Variants in NLRP11 observed in about 807,000 individuals in gnomAD.
NLRP11 encodes NACHT, LRR and PYD domains-containing protein 11.
In NLRP11, 53 loss-of-function variants were observed where a neutral mutation model predicts 79.3. The ratio of observed to expected loss-of-function variants is 0.67; its 90% confidence interval spans 0.54 to 0.84. The LOEUF (loss-of-function observed/expected upper bound fraction) is 0.84. Ranked by LOEUF, NLRP11 falls within the 40% of genes least tolerant of loss-of-function variation. The probability of loss-of-function intolerance (pLI) is 0.00; values close to 1 mark genes in which losing one functional copy is unlikely to be tolerated. For missense variants in NLRP11, 1,264 were observed against 1,255.0 expected, an observed-to-expected ratio of 1.01 and a Z score of -0.11; for synonymous variants, 518 against 462.6, an observed-to-expected ratio of 1.12 and a Z score of -1.54.
chr19:55,794,630 G>A (rs947700287), intron 6 of NLRP11, among the ~76,000 whole-genome samples: 10 of 152,138 alleles, frequency 6.6e-5, no homozygotes, highest in South Asian at 4.1e-4. Flanking sequence ...CGTGGTGGCG[G>A]GTGCCTGTGG....
Position 55,801,683 on chromosome 19 carries a change from C to T in NLRP11, c.2060G>A (p.Arg687His), listed in dbSNP as rs200349091. The T allele has an allele frequency of 1.0e-4, 165 of 1,613,662 alleles. No individual in the cohort carries two copies. The highest frequency in any genetic ancestry group is 3.3e-4 in the Admixed American group (20 of 59,990). ...ACTCAGGTATGTCAGGCTCCGATTA[C>T]GAGCCAAAGCCTTGAGTAAGTCTTC... The change falls in exon 5 of 10, where the codon CGT becomes CAT. Residue 687 changes from arginine to histidine, a missense_variant. By Grantham distance (29) the Arg-to-His change is conservative (BLOSUM62 0). Transcript: ENST00000589093.
chr19:55,803,301 CATG>C (rs1979662699), intron 4 of NLRP11, among the ~76,000 whole-genome samples: 1 of 152,022 alleles, frequency 6.6e-6, no homozygotes, highest in Non-Finnish European at 1.5e-5. Flanking sequence ...GAGCCGAGAT[CATG>C]CCACTGTACT....
chr19:55,808,148 A>T (rs915503437), intron 3 of NLRP11, 134 bp from the exon 4 acceptor site: 2 of 575,806 alleles, frequency 3.5e-6, no homozygotes, highest in Non-Finnish European at 6.1e-6. Flanking sequence ...CAAGAAATAA[A>T]GTAGGGTCAA....
chr19:55,790,591 C>T (rs1600172352), intron 7 of NLRP11, among the ~76,000 whole-genome samples: 1 of 152,170 alleles, frequency 6.6e-6, no homozygotes, highest in Non-Finnish European at 1.5e-5. Context: ...TGACACTTAA[C>T]ATATATTCTT....
chr19:55,819,024 A>AT (rs1367828714), intron 1 of NLRP11, among the ~76,000 whole-genome samples: 1 of 152,010 alleles, frequency 6.6e-6, no homozygotes, highest in African/African-American at 2.4e-5. Context: ...TCTGCCAGCA[A>AT]TAGGTAAGTC....
chr19:55,815,528 C>CA (rs11343133), intron 2 of NLRP11, among the ~76,000 whole-genome samples: 12,084 of 92,514 alleles, frequency 0.13, 795 homozygotes, highest in East Asian at 0.22. Flanking sequence ...GACTCCATCT[C>CA]AAAAAAAAAA....
Position 55,808,811 on chromosome 19 carries a change from C to T in NLRP11, c.1799G>A (p.Arg600His), listed in dbSNP as rs375975641. 74 of 1,612,236 alleles carry T rather than the reference C, an allele frequency of 4.6e-5. No homozygotes were observed. The highest frequency in any genetic ancestry group is 1.7e-4 in the African/African-American group (13 of 74,850). ...AAGTGGCTCTTTGTTTTGAAAGATG[C>T]GCTGAACACTCAACTTAAGTGTCCT... The change falls in exon 3 of 10, where the codon CGC (arginine) becomes CAC (histidine). Residue 600 changes from arginine to histidine, a missense_variant. By Grantham distance (29) the Arg-to-His change is conservative (BLOSUM62 0). Transcript: ENST00000589093.
chr19:55,813,645 G>T (rs1980816320), intron 2 of NLRP11, among the ~76,000 whole-genome samples: 1 of 152,224 alleles, frequency 6.6e-6, no homozygotes, highest in African/African-American at 2.4e-5. Context: ...AACAGAGCAG[G>T]TGAGCATGTA....
rs1287371759 is a variant in NLRP11 at position 55,821,227 on chromosome 19, ACACACACACACACACACACACAC to A, written c.-62-3014_-62-2992del. 1.0e-3 allele frequency among the ~76,000 whole-genome samples: 106 copies of A among 105,484 alleles called. 1 individual carries two copies. Among genetic ancestry groups the A allele is most frequent in the African/African-American group, 6.2e-3 (91 of 14,752 alleles). 69.2% of individuals were successfully genotyped at this position (105,484 alleles called of 152,430 possible). The stretch of plus-strand genomic sequence containing the variant: ...CTCTCACACACACACACACACACAC[ACACACACACACACACACACACAC>A]CCCAAGCACTGAGTTTGTAATGATC... On this transcript the variant is annotated intron_variant, in intron 1 of 9. Coordinates refer to ENST00000589093, the Ensembl canonical transcript of NLRP11.
exon 9 of NLRP11, chr19:55,788,966 C>T: frequency 6.2e-7 from 1 of 1,613,912 alleles, no homozygotes; most frequent in Non-Finnish European, 8.5e-7. Flanking sequence ...GGTTAACATG[C>T]ACTCTTCTAG....
intron 7 of NLRP11, 32 bp from the exon 8 acceptor site, chr19:55,789,431 A>C: frequency 6.3e-7 from 1 of 1,579,320 alleles, no homozygotes; most frequent in Non-Finnish European, 8.6e-7. Flanking sequence ...TAGAGTCATG[A>C]CCACCTGTCT....
intron 1 of NLRP11, among the ~76,000 whole-genome samples, chr19:55,823,823 A>T (rs1291607990): frequency 1.3e-4 from 20 of 148,382 alleles, no homozygotes; most frequent in Non-Finnish European, 2.7e-4. Context: ...AATGGAACCA[A>T]GTTGGAAAAC....
chr19:55,788,683 T>A (rs1990037960), intron 9 of NLRP11, 124 bp downstream of exon 9: 3 of 640,650 alleles, frequency 4.7e-6, no homozygotes, highest in Admixed American at 3.7e-5. Context: ...GATGTTGCAA[T>A]GAGCCAAGAT....
chr19:55,832,528 G>A (rs569578686), upstream of NLRP11, among the ~76,000 whole-genome samples: 2 of 152,304 alleles, frequency 1.3e-5, no homozygotes, highest in African/African-American at 4.8e-5. Flanking sequence ...GGAATCACCT[G>A]GAGACCTCTA....
chr19:55,793,089 A>G (rs921122008), intron 6 of NLRP11, among the ~76,000 whole-genome samples: 50 of 152,146 alleles, frequency 3.3e-4, no homozygotes, highest in Non-Finnish European at 6.0e-4. Context: ...TGTGTTGCCC[A>G]GGCTGGTCTT....
At chr19:55,817,836 A>T in intron 2 of NLRP11, 68 bp downstream of exon 2, 1 of 1,267,234 alleles carries the variant, frequency 7.9e-7, no homozygotes, top group South Asian at 1.5e-5. Context: ...AAAAAAAAAA[A>T]AGGCCCAACA....
intron 2 of NLRP11, among the ~76,000 whole-genome samples, chr19:55,811,008 G>A (rs1213169004): frequency 2.0e-5 from 3 of 152,050 alleles, no homozygotes; most frequent in African/African-American, 7.2e-5. Context: ...TTCCTTTGAG[G>A]CAATAACTCG....
intron 6 of NLRP11, among the ~76,000 whole-genome samples, chr19:55,794,263 G>A (rs910041365): frequency 6.6e-6 from 1 of 151,860 alleles, no homozygotes; most frequent in Non-Finnish European, 1.5e-5. Context: ...TGGAACCAGT[G>A]GGAAAAGAAA....
intron 4 of NLRP11, among the ~76,000 whole-genome samples, chr19:55,805,195 C>T (rs1003175314): frequency 1.1e-4 from 17 of 152,130 alleles, no homozygotes; most frequent in African/African-American, 4.1e-4. Context: ...TGCAGCAGGA[C>T]ATCAGGGCAA....
Sources: gnomAD v4.1 joint callset for allele counts (sites outside exome capture counted in the v4.1 genomes callset) on GRCh38, gnomAD v4.1.1 for gene constraint, MANE v1.5 for transcripts, NCBI Gene and HGNC (gene_info 2026-07-23, HGNC 2026-07-21) for gene names.